The following CCDC178 variants were observed in gnomAD, a reference collection of about 807,000 sequenced individuals.
CCDC178 encodes coiled-coil domain containing 178, also known as coiled-coil domain-containing protein 178.
A neutral mutation model predicts 117.4 loss-of-function variants in CCDC178; 126 were observed. The observed-to-expected ratio is 1.07, with a 90% CI of 0.93 to 1.24. CCDC178 has a LOEUF of 1.24. CCDC178 is among the 50% of genes most tolerant of loss of function. The pLI is 0.00. For synonymous variants in CCDC178, 283 were observed against 313.4 expected (o/e 0.90, Z 1.02); for missense variants, 1,030 against 986.9 (o/e 1.04, Z -0.59).
At chr18:33,060,375 C>T (rs2144959008) in intron 21 of CCDC178, among the ~76,000 whole-genome samples, 1 of 152,108 alleles carries the variant, frequency 6.6e-6, no homozygotes, top group Non-Finnish European at 1.5e-5. Context: ...AACTCCATTG[C>T]TAATGGTGCC....
At chr18:33,050,739 C>T (rs1417152871) in intron 21 of CCDC178, among the ~76,000 whole-genome samples, 2 of 152,174 alleles carry the variant, frequency 1.3e-5, no homozygotes, top group African/African-American at 4.8e-5. Context: ...TGAAGAATAT[C>T]TTCATTGGTG....
chr18:33,325,241 G>A (rs1708612049), intron 10 of CCDC178, among the ~76,000 whole-genome samples: 1 of 151,846 alleles, frequency 6.6e-6, no homozygotes, highest in South Asian at 2.1e-4. Flanking sequence ...ATAATTGCCA[G>A]TTTTTGAATA....
chr18:33,434,130 A>G (rs1599317261), intron 2 of CCDC178, among the ~76,000 whole-genome samples: 1 of 152,256 alleles, frequency 6.6e-6, no homozygotes, highest in East Asian at 1.9e-4. Context: ...TATTGTTGTT[A>G]AATTCTTCAT....
At chr18:33,396,494 T>C (rs576961262) in intron 4 of CCDC178, among the ~76,000 whole-genome samples, 10 of 152,232 alleles carry the variant, frequency 6.6e-5, no homozygotes, top group Admixed American at 5.2e-4. Flanking sequence ...AGGAGGTTTC[T>C]AGAAGCATTA....
At chr18:33,408,055 T>A (rs2063805112) in intron 3 of CCDC178, among the ~76,000 whole-genome samples, 1 of 151,898 alleles carries the variant, frequency 6.6e-6, no homozygotes, top group Non-Finnish European at 1.5e-5. Context: ...ACAGTAAAAT[T>A]TAAAAAGTTG....
intron 21 of CCDC178, among the ~76,000 whole-genome samples, chr18:33,062,416 C>A (rs560301416): frequency 6.6e-6 from 1 of 152,292 alleles, no homozygotes; most frequent in Non-Finnish European, 1.5e-5. Flanking sequence ...GGTAACCATA[C>A]TATGAATAGA....
intron 20 of CCDC178, among the ~76,000 whole-genome samples, chr18:33,134,663 C>T (rs967336444): frequency 6.6e-6 from 1 of 151,976 alleles, no homozygotes; most frequent in Non-Finnish European, 1.5e-5. Flanking sequence ...CTTTGTTTCG[C>T]CCATCCCATT....
rs1020416878 is a variant in CCDC178 at position 33,110,065 on chromosome 18, A to G, written c.2239-17155T>C. 2.0e-5 allele frequency among the ~76,000 whole-genome samples: 3 copies of G among 151,652 alleles called. No individual in the cohort carries two copies. In the Admixed American group the frequency reaches 2.0e-4, roughly 10 times the overall value. On this transcript the variant is annotated intron_variant, in intron 20 of 22. Coordinates refer to ENST00000383096, the MANE Select transcript of CCDC178 (RefSeq NM_001105528.4). ...GATGTCTGAGAGTTCCTGTTGCTTT[A>G]CATTTTATCTACATTTAAAAATTTT...
Position 32,937,909 on chromosome 18 carries a change from G to T in CCDC178, c.*102C>A. On this transcript the variant is annotated 3_prime_UTR_variant, in exon 23 of 23. Coordinates refer to ENST00000383096, the MANE Select transcript of CCDC178 (RefSeq NM_001105528.4). ...GTGAGTGAGTTTTTCGTTCATGGAA[G>T]TGTGAAATGGCAAACAGGTGAATGT... is the stretch of plus-strand genomic sequence containing the variant. 1.1e-6 allele frequency: 1 copy of T among 869,684 alleles called. No individual in the cohort carries two copies. Among genetic ancestry groups the T allele is most frequent in the Non-Finnish European group, 1.9e-6 (1 of 527,996 alleles). 53.9% of individuals were successfully genotyped at this position (869,684 alleles called of 1,614,324 possible).
intron 11 of CCDC178, among the ~76,000 whole-genome samples, chr18:33,300,547 G>A (rs1401449827): frequency 2.0e-5 from 3 of 152,178 alleles, no homozygotes; most frequent in Non-Finnish European, 4.4e-5. Flanking sequence ...TGATAGAAAC[G>A]TTGACAGTGA....
At chr18:33,251,185 A>C (rs1032131683) in intron 14 of CCDC178, among the ~76,000 whole-genome samples, 1 of 151,682 alleles carries the variant, frequency 6.6e-6, no homozygotes, top group Non-Finnish European at 1.5e-5. Context: ...TTGTGTTTTC[A>C]TACTTTATAA....
At chr18:33,032,482 A>G (rs1287506088) in intron 21 of CCDC178, among the ~76,000 whole-genome samples, 1 of 152,138 alleles carries the variant, frequency 6.6e-6, no homozygotes, top group African/African-American at 2.4e-5. Context: ...GAGCTATCTT[A>G]CAATCTGCCT....
intron 11 of CCDC178, among the ~76,000 whole-genome samples, chr18:33,316,942 G>A (rs918342331): frequency 1.3e-5 from 2 of 152,030 alleles, no homozygotes; most frequent in African/African-American, 2.4e-5. Flanking sequence ...TCTAGCTCAG[G>A]GATTGTAAAC....
At chr18:32,956,546 TGTAA>T (rs1162761726) in intron 22 of CCDC178, 4 of 152,222 alleles carry the variant, frequency 2.6e-5, no homozygotes, top group Non-Finnish European at 5.9e-5. Context: ...AAATTATTGC[TGTAA>T]GTAAGTGGCC....
chr18:32,989,351 G>C (rs1254905149), intron 21 of CCDC178, among the ~76,000 whole-genome samples: 1 of 152,082 alleles, frequency 6.6e-6, no homozygotes, highest in Admixed American at 6.6e-5. Context: ...CCCCGAAAAG[G>C]AGAGAAACCA....
At chr18:33,132,176 T>G (rs1487257866) in intron 20 of CCDC178, among the ~76,000 whole-genome samples, 1 of 151,706 alleles carries the variant, frequency 6.6e-6, no homozygotes, top group Non-Finnish European at 1.5e-5. Context: ...ATATTTTTAT[T>G]GAATTATTCT....
chr18:33,417,609 C>A (rs2063963816), intron 2 of CCDC178, among the ~76,000 whole-genome samples: 1 of 151,716 alleles, frequency 6.6e-6, no homozygotes, highest in African/African-American at 2.4e-5. Context: ...AGTTCCATTG[C>A]CTGTATCAAT....
At chr18:33,254,938 G>C (rs1008912206) in intron 14 of CCDC178, among the ~76,000 whole-genome samples, 1 of 151,998 alleles carries the variant, frequency 6.6e-6, no homozygotes, top group Non-Finnish European at 1.5e-5. Flanking sequence ...GTGTTACAGG[G>C]TGGGGTCTAG....
At chr18:33,275,679 GGGA>G (rs2059940449) in intron 12 of CCDC178, among the ~76,000 whole-genome samples, 1 of 116,492 alleles carries the variant, frequency 8.6e-6, no homozygotes. Flanking sequence ...GGGAGGGGAG[GGGA>G]GGAGGGAGGG....
Sources: gnomAD v4.1 joint callset for allele counts (sites outside exome capture counted in the v4.1 genomes callset) on GRCh38, gnomAD v4.1.1 for gene constraint, MANE v1.5 for transcripts, NCBI Gene and HGNC (gene_info 2026-07-23, HGNC 2026-07-21) for gene names.